TSPAN14: variants seen among roughly 807,000 people sequenced by gnomAD.
The protein encoded by TSPAN14 is tetraspanin 14, also known as tetraspanin-14.
In TSPAN14, 16 loss-of-function variants were observed where a neutral mutation model predicts 36.6. The ratio of observed to expected loss-of-function variants is 0.44; its 90% confidence interval spans 0.30 to 0.66. The LOEUF (loss-of-function observed/expected upper bound fraction) is 0.66, where lower values mean the gene tolerates loss of function less well. Ranked by LOEUF, TSPAN14 falls within the 30% of genes least tolerant of loss-of-function variation. The pLI is 0.12. For missense variants in TSPAN14, 231 were observed against 355.1 expected (o/e 0.65, Z 2.81); for synonymous variants, 139 against 143.8 (o/e 0.97, Z 0.24).
chr10:80,498,580 C>A (rs1274001878), intron 2 of TSPAN14, among the ~76,000 whole-genome samples: 2 of 152,174 alleles, frequency 1.3e-5, no homozygotes, highest in Admixed American at 6.5e-5. Flanking sequence ...AGGACAGAAG[C>A]TGGTGCTGGA....
At chr10:80,487,195 T>C (rs1481827647) in intron 1 of TSPAN14, among the ~76,000 whole-genome samples, 2 of 152,190 alleles carry the variant, frequency 1.3e-5, no homozygotes, top group Non-Finnish European at 2.9e-5. Flanking sequence ...ATCCGTGTGC[T>C]GCACCACAGC....
At position 80,509,770 on chromosome 10, in the gene TSPAN14, T is replaced by C. The variant is rs977584527; in HGVS notation, c.450+299T>C. On this transcript the variant is annotated intron_variant, in intron 5 of 8. Transcript: ENST00000429989. The surrounding 1 kb of genome is among the most constrained non-coding windows in gnomAD (Gnocchi z 4.7). ...TTTCGGCCCCAGATCTTTCCAATCC[T>C]GCCCAATAGCCATACCAGCTGCAAT... The C allele has an allele frequency of 5.4e-6, 2 of 369,498 alleles. No homozygotes were observed. Among genetic ancestry groups the C allele is most frequent in the African/African-American group, 4.1e-5 (2 of 48,328 alleles). 22.9% of individuals were successfully genotyped at this position (369,498 alleles called of 1,614,324 possible).
chr10:80,513,474 C>T (rs1321687660), intron 6 of TSPAN14, among the ~76,000 whole-genome samples: 1 of 152,166 alleles, frequency 6.6e-6, no homozygotes. Flanking sequence ...CTTCTGAGGT[C>T]TCCACTGCGA....
intron 2 of TSPAN14, among the ~76,000 whole-genome samples, chr10:80,493,692 A>C (rs1198959253): frequency 2.0e-5 from 3 of 152,264 alleles, no homozygotes; most frequent in Admixed American, 2.0e-4. Flanking sequence ...AGGTGCCCAC[A>C]GTAGTCAGAA....
At chr10:80,492,732 C>T (rs930536719) in intron 2 of TSPAN14, among the ~76,000 whole-genome samples, 4 of 152,000 alleles carry the variant, frequency 2.6e-5, no homozygotes, top group Admixed American at 6.6e-5. Flanking sequence ...AGGAGAATGG[C>T]GTGAACCCGG....
At chr10:80,507,330 G>A (rs746257607) in exon 4 of TSPAN14, 2 of 1,614,220 alleles carry the variant, frequency 1.2e-6, no homozygotes, top group Non-Finnish European at 1.7e-6. Flanking sequence ...GGGGTTCGCC[G>A]GCTGCGTGGG....
intron 2 of TSPAN14, 134 bp from the exon 3 acceptor site, chr10:80,504,594 G>A (rs1589290551): frequency 1.2e-5 from 11 of 955,284 alleles, no homozygotes; most frequent in South Asian, 6.0e-5. Context: ...TGTCATCTGC[G>A]GGGCCTGAGG....
chr10:80,471,551 A>G (rs766894403), intron 1 of TSPAN14, among the ~76,000 whole-genome samples: 10 of 152,204 alleles, frequency 6.6e-5, no homozygotes, highest in Non-Finnish European at 1.2e-4. Flanking sequence ...TAGACATTTC[A>G]TGTAGACTTA....
At chr10:80,506,908 C>T (rs1437990224) in intron 3 of TSPAN14, among the ~76,000 whole-genome samples, 3 of 152,256 alleles carry the variant, frequency 2.0e-5, no homozygotes, top group Admixed American at 1.3e-4. Flanking sequence ...AGTTTGACCA[C>T]AGGCCACAGG....
At chr10:80,497,830 G>T (rs1007230825) in intron 2 of TSPAN14, among the ~76,000 whole-genome samples, 4 of 152,190 alleles carry the variant, frequency 2.6e-5, no homozygotes, top group Admixed American at 6.5e-5. Context: ...CCCTCACATG[G>T]GTTTGCTGGC....
In TSPAN14 at chr10:80,504,720, C is replaced by G; in HGVS notation, c.82-8C>G. 1 of 1,614,158 alleles carries G rather than the reference C, an allele frequency of 6.2e-7. No homozygotes were observed. Among genetic ancestry groups the G allele is most frequent in the Non-Finnish European group, 8.5e-7 (1 of 1,180,016 alleles). The stretch of plus-strand genomic sequence containing the variant: ...AACTTCCTTCTCTCTTTCCTCTGCC[C>G]CGCTTAGTTGGCTGGAGTTGTCTTC... On this transcript the variant is annotated splice_polypyrimidine_tract_variant and splice_region_variant and intron_variant, in intron 2 of 8. Transcript: ENST00000429989.
chr10:80,477,916 T>C lies in TSPAN14; in HGVS notation c.-17-11301T>C, dbSNP rs1176213769. ...TAACCAGCCTAAGATGGGAAAAAAA[T>C]ACAAATGATGCTGACAACAGGGATT... On this transcript the variant is annotated intron_variant, in intron 1 of 8. Transcript: ENST00000429989. Among the ~76,000 whole-genome samples, 5 of 151,684 alleles carry C rather than the reference T, an allele frequency of 3.3e-5. No individual in the cohort carries two copies. The East Asian group carries it at 7.7e-4, about 23-fold the overall frequency.
In TSPAN14 at chr10:80,487,283, C is replaced by G. The variant is rs550479121; in HGVS notation, c.-17-1934C>G. On this transcript the variant is annotated intron_variant, in intron 1 of 8. Transcript: ENST00000429989. Reference sequence around the variant, plus strand: ...AGTGCCTAAGCTGATACCTGATCTGCTGGGCATGGGTCTGCTGGCATGTCA... The same window carrying G: ...AGTGCCTAAGCTGATACCTGATCTGGTGGGCATGGGTCTGCTGGCATGTCA... Among the ~76,000 whole-genome samples, 41 of 141,702 alleles carry G rather than the reference C, an allele frequency of 2.9e-4. 2 individuals carry two copies. The South Asian group carries it at 0.01, about 35-fold the overall frequency. 93.0% of individuals were successfully genotyped at this position (141,702 alleles called of 152,430 possible).
intron 2 of TSPAN14, among the ~76,000 whole-genome samples, chr10:80,492,506 G>C (rs1173150137): frequency 2.6e-5 from 4 of 152,150 alleles, no homozygotes; most frequent in Non-Finnish European, 5.9e-5. Context: ...TTATTTAGTA[G>C]TTTGCCCTCA....
chr10:80,510,422 A>G (rs1021728188), intron 5 of TSPAN14, among the ~76,000 whole-genome samples: 1 of 152,138 alleles, frequency 6.6e-6, no homozygotes, highest in Non-Finnish European at 1.5e-5. Flanking sequence ...AATCCCCGCC[A>G]TGTTTTGATG....
intron 2 of TSPAN14, among the ~76,000 whole-genome samples, chr10:80,490,494 C>T (rs1847867277): frequency 6.6e-6 from 1 of 152,122 alleles, no homozygotes; most frequent in African/African-American, 2.4e-5. Flanking sequence ...TTGTAGAAGC[C>T]TTTAAAGTAG....
At chr10:80,507,118 T>C in intron 3 of TSPAN14, 110 bp from the exon 4 acceptor site, 1 of 1,420,242 alleles carries the variant, frequency 7.0e-7, no homozygotes, top group Non-Finnish European at 9.6e-7. Flanking sequence ...ACAAGAGGGC[T>C]GAGCCTGGGG....
chr10:80,517,944 A>G, exon 9 of TSPAN14: 2 of 1,567,112 alleles, frequency 1.3e-6, no homozygotes, highest in Non-Finnish European at 1.7e-6. Flanking sequence ...GATCTCAGAC[A>G]TCGAGGCAGT....
At chr10:80,467,301 G>A (rs1846298855) in intron 1 of TSPAN14, among the ~76,000 whole-genome samples, 1 of 152,130 alleles carries the variant, frequency 6.6e-6, no homozygotes, top group Admixed American at 6.5e-5. Flanking sequence ...CTGTTTAGTT[G>A]GTTATGGGGC....
Sources: allele counts gnomAD v4.1 joint callset (sites outside exome capture counted in the v4.1 genomes callset), GRCh38; gene constraint gnomAD v4.1.1; non-coding constraint Gnocchi (gnomAD v3.1); transcripts MANE v1.5; gene names NCBI Gene and HGNC (gene_info 2026-07-23, HGNC 2026-07-21).